Variants in OXR1 observed in about 807,000 individuals in gnomAD.
OXR1 encodes oxidation resistance protein 1.
Under a neutral mutation model 104.6 loss-of-function variants are expected in OXR1, and 41 were observed. The ratio of observed to expected loss-of-function variants is 0.39; its 90% confidence interval spans 0.31 to 0.51. OXR1 has a LOEUF of 0.51. OXR1 is among the 20% of genes least tolerant of loss of function. The pLI is 0.77. For synonymous variants in OXR1, 348 were observed against 348.4 expected (o/e 1.00, Z 0.01); for missense variants, 955 against 1,031.9 (o/e 0.93, Z 1.02).
chr8:106,621,427 G>C (rs1408943241), intron 3 of OXR1, among the ~76,000 whole-genome samples: 1 of 151,440 alleles, frequency 6.6e-6, no homozygotes, highest in Non-Finnish European at 1.5e-5. Flanking sequence ...CTCCAGCCTG[G>C]GCAACAGAGT....
Position 106,436,606 on chromosome 8 carries a change from G to C in OXR1, c.23+76970G>C, listed in dbSNP as rs182323705. Among the ~76,000 whole-genome samples, 64 of 152,132 alleles carry C rather than the reference G, an allele frequency of 4.2e-4. No homozygotes were observed. The East Asian group carries it at 7.0e-3, about 17-fold the overall frequency. On this transcript the variant is annotated intron_variant, in intron 2 of 16. Transcript: ENST00000517566. ...AAAACCTAAGTTTTAATGGTTTAAT[G>C]GTTCATATAAAGTCTAGGGGTGGGC...
rs1830183255 is a variant in OXR1, at chr8:106,697,654, TTTCCTTCCCA to T, written c.675+4778_675+4787del. On this transcript the variant is annotated intron_variant, in intron 7 of 16. Coordinates refer to ENST00000517566, the MANE Select transcript of OXR1 (RefSeq NM_001198533.2). ...CGTCCGCTGCACACAGGCCATGTTC[TTTCCTTCCCA>T]GAGGTCCACAGTTTGGAAGATGTCA... is the stretch of plus-strand genomic sequence containing the variant. 3 of 1,614,042 alleles carry T rather than the reference TTTCCTTCCCA, an allele frequency of 1.9e-6. No individual in the cohort carries two copies. In the South Asian group the frequency reaches 3.3e-5, roughly 18 times the overall value.
chr8:106,731,660 G>T lies in OXR1; in HGVS notation c.1957-5860G>T, dbSNP rs115962997. ...GGGTAAAGACCATTATTTCTCCTCT[G>T]AATTGTCTTTACTCCTTTGTTAAAA... On this transcript the variant is annotated intron_variant, in intron 11 of 16. Transcript: ENST00000517566. 5.6e-3 allele frequency among the ~76,000 whole-genome samples: 857 copies of T among 152,178 alleles called. 6 individuals are homozygous for T. The highest frequency in any genetic ancestry group is 0.018 in the African/African-American group (745 of 41,550).
At chr8:106,547,906 C>T (rs1586792270) in intron 3 of OXR1, among the ~76,000 whole-genome samples, 1 of 152,164 alleles carries the variant, frequency 6.6e-6, no homozygotes, top group East Asian at 1.9e-4. Flanking sequence ...CATCTTTTGG[C>T]TATGTGACTG....
chr8:106,575,592 C>G (rs928477956), intron 3 of OXR1, among the ~76,000 whole-genome samples: 3 of 150,528 alleles, frequency 2.0e-5, no homozygotes, highest in African/African-American at 7.3e-5. Context: ...AAGGCAGGTA[C>G]AAAGTAAATG....
At chr8:106,597,650 G>A (rs567169884) in intron 3 of OXR1, among the ~76,000 whole-genome samples, 2 of 152,080 alleles carry the variant, frequency 1.3e-5, no homozygotes, top group East Asian at 1.9e-4. Context: ...TTTGATGTTC[G>A]TTATAACTCA....
At chr8:106,657,093 A>G (rs541787075) in intron 3 of OXR1, among the ~76,000 whole-genome samples, 2 of 152,248 alleles carry the variant, frequency 1.3e-5, no homozygotes, top group East Asian at 1.9e-4. Context: ...AGGAAGCAAA[A>G]TTTCTGTCAA....
chr8:106,696,629 C>T (rs1385850481), intron 7 of OXR1, among the ~76,000 whole-genome samples: 1 of 152,144 alleles, frequency 6.6e-6, no homozygotes, highest in African/African-American at 2.4e-5. Flanking sequence ...TTGATGTTTT[C>T]AGTGTTTTAG....
chr8:106,657,838 C>T (rs1405330792), intron 3 of OXR1: 1 of 1,237,170 alleles, frequency 8.1e-7, no homozygotes, highest in Non-Finnish European at 1.0e-6. Context: ...GAGAGGGACG[C>T]CCCCTCCTCC....
At chr8:106,328,326 G>A (rs1169823987) in intron 1 of OXR1, among the ~76,000 whole-genome samples, 2 of 152,160 alleles carry the variant, frequency 1.3e-5, no homozygotes, top group African/African-American at 4.8e-5. Context: ...CAGAGAATGG[G>A]AGACTTTAAA....
intron 11 of OXR1, among the ~76,000 whole-genome samples, chr8:106,729,579 G>A (rs940260137): frequency 6.6e-6 from 1 of 151,970 alleles, no homozygotes; most frequent in African/African-American, 2.4e-5. Flanking sequence ...CCTATCTATA[G>A]TAGATAGTCA....
chr8:106,503,467 CAG>C (rs1811943046), intron 2 of OXR1, among the ~76,000 whole-genome samples: 1 of 152,134 alleles, frequency 6.6e-6, no homozygotes, highest in South Asian at 2.1e-4. Context: ...GCAAGGTTTT[CAG>C]AGAGGGCTGT....
chr8:106,464,266 C>A (rs1460467620), intron 2 of OXR1, among the ~76,000 whole-genome samples: 1 of 151,788 alleles, frequency 6.6e-6, no homozygotes, highest in Non-Finnish European at 1.5e-5. Context: ...ATCCTCAAAA[C>A]ATCTTGTGAT....
At chr8:106,395,255 T>C (rs1269992507) in intron 2 of OXR1, among the ~76,000 whole-genome samples, 2 of 152,146 alleles carry the variant, frequency 1.3e-5, no homozygotes, top group African/African-American at 4.8e-5. Context: ...GAATGAATCC[T>C]GTGGTGTTGA....
At chr8:106,601,034 C>T (rs577837056) in intron 3 of OXR1, among the ~76,000 whole-genome samples, 1 of 152,276 alleles carries the variant, frequency 6.6e-6, no homozygotes, top group East Asian at 1.9e-4. Flanking sequence ...CCAGATCATG[C>T]AGCCTAGTAG....
At chr8:106,723,732 GT>G (rs1833070463) in intron 11 of OXR1, among the ~76,000 whole-genome samples, 3 of 152,006 alleles carry the variant, frequency 2.0e-5, no homozygotes, top group African/African-American at 7.2e-5. Flanking sequence ...GGATTTATGG[GT>G]GACAGACTAG....
intron 2 of OXR1, among the ~76,000 whole-genome samples, chr8:106,467,712 A>C (rs1375057553): frequency 1.3e-5 from 2 of 151,906 alleles, no homozygotes; most frequent in Non-Finnish European, 2.9e-5. Flanking sequence ...CCTTACTTAC[A>C]TGCTTTGCAC....
chr8:106,346,247 T>C (rs1362081394), intron 1 of OXR1, among the ~76,000 whole-genome samples: 1 of 152,192 alleles, frequency 6.6e-6, no homozygotes, highest in Non-Finnish European at 1.5e-5. Flanking sequence ...ATATTACGCA[T>C]CCAAAGATAG....
intron 3 of OXR1, among the ~76,000 whole-genome samples, chr8:106,663,310 G>T (rs989385473): frequency 6.6e-6 from 1 of 152,172 alleles, no homozygotes; most frequent in Non-Finnish European, 1.5e-5. Context: ...AAGAGTTACA[G>T]TCCTTGAGAT....
Sources: allele counts gnomAD v4.1 joint callset (sites outside exome capture counted in the v4.1 genomes callset), GRCh38; gene constraint gnomAD v4.1.1; transcripts MANE v1.5; gene names NCBI Gene and HGNC (gene_info 2026-07-23, HGNC 2026-07-21).